GRIK4: variants seen among roughly 807,000 people sequenced by gnomAD.
GRIK4 encodes the protein glutamate receptor ionotropic, kainate 4.
A neutral mutation model predicts 104.9 loss-of-function variants in GRIK4; 40 were observed. The observed-to-expected ratio is 0.38, with a 90% CI of 0.30 to 0.50. GRIK4 has a LOEUF of 0.50. Ranked by LOEUF, GRIK4 falls within the 20% of genes least tolerant of loss-of-function variation. The pLI, the probability that GRIK4 is intolerant of heterozygous loss-of-function variation, is 0.93. For missense variants in GRIK4, 1,047 were observed against 1,308.1 expected (o/e 0.80, Z 3.08); for synonymous variants, 485 against 524.9 (o/e 0.92, Z 1.04).
intron 1 of GRIK4, among the ~76,000 whole-genome samples, chr11:120,624,345 G>T (rs1265274811): frequency 6.6e-6 from 1 of 152,014 alleles, no homozygotes; most frequent in Non-Finnish European, 1.5e-5. Flanking sequence ...TCTGAGTAGT[G>T]TTGGGACCTC....
chr11:120,979,810 T>A (rs1944620791), intron 19 of GRIK4, among the ~76,000 whole-genome samples: 1 of 152,188 alleles, frequency 6.6e-6, no homozygotes, highest in Admixed American at 6.5e-5. Flanking sequence ...CGAGACCCTC[T>A]GCAAGGGGGC....
At chr11:120,768,554 G>C (rs1046031022) in intron 3 of GRIK4, among the ~76,000 whole-genome samples, 4 of 151,948 alleles carry the variant, frequency 2.6e-5, no homozygotes, top group African/African-American at 7.3e-5. Context: ...TGATTGCTCT[G>C]GCTAGCACTA....
At chr11:120,615,681 C>A (rs1384634237) in intron 1 of GRIK4, among the ~76,000 whole-genome samples, 1 of 152,176 alleles carries the variant, frequency 6.6e-6, no homozygotes, top group Non-Finnish European at 1.5e-5. Context: ...CTCTTCCTGC[C>A]CCTAGGGCCT....
intron 1 of GRIK4, among the ~76,000 whole-genome samples, chr11:120,626,532 C>A (rs909003159): frequency 7.2e-5 from 11 of 152,024 alleles, no homozygotes; most frequent in African/African-American, 2.7e-4. Flanking sequence ...GCTCTAGGAC[C>A]CAGGATCTTT....
chr11:120,831,748 G>A (rs1406048261), intron 6 of GRIK4, 104 bp from the exon 7 acceptor site: 22 of 802,586 alleles, frequency 2.7e-5, no homozygotes, highest in Non-Finnish European at 4.1e-5. Context: ...CAGACCCCCC[G>A]ACCCCACTTC....
chr11:120,607,267 A>T (rs1948974054), intron 1 of GRIK4, among the ~76,000 whole-genome samples: 1 of 152,170 alleles, frequency 6.6e-6, no homozygotes, highest in African/African-American at 2.4e-5. Context: ...ACCCTGAGAA[A>T]ATGACTTGTA....
intron 1 of GRIK4, among the ~76,000 whole-genome samples, chr11:120,584,312 A>G (rs1275507610): frequency 6.6e-6 from 1 of 152,210 alleles, no homozygotes; most frequent in Non-Finnish European, 1.5e-5. Flanking sequence ...TTGCATTGCT[A>G]TAAAGAAATA....
chr11:120,835,715 C>T lies in GRIK4; in HGVS notation c.691-1076C>T, dbSNP rs149973090. Among the ~76,000 whole-genome samples the T allele has an allele frequency of 1.6e-3, 247 of 152,194 alleles. 2 individuals carry two copies. The highest frequency in any genetic ancestry group is 8.3e-4 in the South Asian group (4 of 4,814). ...GCAGAATACATTATGAAAATCTAGC[C>T]GACTGTCAGGAGGGATGAGGGTCCC... On this transcript the variant is annotated intron_variant, in intron 7 of 20. Transcript: ENST00000527524.
chr11:120,961,491 A>C (rs997995079), intron 17 of GRIK4, among the ~76,000 whole-genome samples: 3 of 152,248 alleles, frequency 2.0e-5, no homozygotes, highest in Non-Finnish European at 4.4e-5. Flanking sequence ...TCGTATAGGT[A>C]GTATTTAGAC....
intron 13 of GRIK4, among the ~76,000 whole-genome samples, chr11:120,934,206 A>G (rs1420385854): frequency 1.5e-5 from 1 of 68,058 alleles, no homozygotes; most frequent in South Asian, 3.9e-4. Context: ...CTCCGTCTCA[A>G]AAAAAAAAAA....
chr11:120,573,941 A>G (rs1279724221), intron 1 of GRIK4, among the ~76,000 whole-genome samples: 1 of 152,132 alleles, frequency 6.6e-6, no homozygotes, highest in Non-Finnish European at 1.5e-5. Context: ...GCTCCTGCTG[A>G]TTCATCTTGC....
intron 1 of GRIK4, among the ~76,000 whole-genome samples, chr11:120,566,639 T>A (rs1948327395): frequency 6.6e-6 from 1 of 152,122 alleles, no homozygotes; most frequent in African/African-American, 2.4e-5. Context: ...AATTAATGGG[T>A]TGACATCAAC....
intron 3 of GRIK4, among the ~76,000 whole-genome samples, chr11:120,786,725 CT>C (rs1219095246): frequency 2.0e-5 from 3 of 152,194 alleles, no homozygotes; most frequent in Non-Finnish European, 4.4e-5. Flanking sequence ...CTTTGTCAGT[CT>C]TGCTAGTGGA....
intron 3 of GRIK4, among the ~76,000 whole-genome samples, chr11:120,792,662 G>A (rs1952424180): frequency 6.6e-6 from 1 of 152,158 alleles, no homozygotes; most frequent in Admixed American, 6.5e-5. Flanking sequence ...ATTGGAAGGT[G>A]CGGAATTGGG....
chr11:120,689,425 G>A (rs970273401), intron 3 of GRIK4, among the ~76,000 whole-genome samples: 5 of 152,036 alleles, frequency 3.3e-5, no homozygotes, highest in Non-Finnish European at 7.4e-5. Flanking sequence ...ACTCCTTAGT[G>A]TGCAGTATCC....
intron 3 of GRIK4, among the ~76,000 whole-genome samples, chr11:120,759,127 G>A (rs1290863559): frequency 6.6e-6 from 1 of 152,196 alleles, no homozygotes; most frequent in Non-Finnish European, 1.5e-5. Context: ...TATTTATTTT[G>A]AAGCTTGATA....
chr11:120,797,823 A>G (rs1952548677), intron 3 of GRIK4, among the ~76,000 whole-genome samples: 1 of 152,150 alleles, frequency 6.6e-6, no homozygotes, highest in Non-Finnish European at 1.5e-5. Flanking sequence ...TGGGGTGAAG[A>G]GAGGACCTCA....
intron 1 of GRIK4, among the ~76,000 whole-genome samples, chr11:120,639,699 C>T (rs964276659): frequency 2.0e-5 from 3 of 152,218 alleles, no homozygotes; most frequent in African/African-American, 7.2e-5. Flanking sequence ...CCACTTCTAC[C>T]TTCCTCATGT....
intron 13 of GRIK4, among the ~76,000 whole-genome samples, chr11:120,937,965 A>AT (rs937960695): frequency 5.5e-4 from 83 of 150,716 alleles, no homozygotes; most frequent in African/African-American, 1.1e-3. Context: ...ATTGATTTGG[A>AT]TTTTTTTTTT....
Sources: allele counts gnomAD v4.1 joint callset (sites outside exome capture counted in the v4.1 genomes callset), GRCh38; gene constraint gnomAD v4.1.1; transcripts MANE v1.5; gene names NCBI Gene and HGNC (gene_info 2026-07-23, HGNC 2026-07-21).